Variants in TCF4 observed in about 807,000 individuals in gnomAD.
TCF4 encodes the protein SL3-3 enhancer factor 2.
TCF4 carries 3 observed loss-of-function variants against 82.1 expected under a neutral mutation model. The ratio of observed to expected loss-of-function variants is 0.04; its 90% CI spans 0.02 to 0.09. The LOEUF is 0.09. Among genes scored for constraint, TCF4 ranks in the 10% least tolerant of loss-of-function variants. The probability of loss-of-function intolerance (pLI) is 1.00; values close to 1 mark genes in which losing one functional copy is unlikely to be tolerated. For synonymous variants in TCF4, 276 were observed against 309.6 expected (o/e 0.89, Z 1.14); for missense variants, 518 against 852.7 (o/e 0.61, Z 4.89).
chr18:55,519,433 CAAAAAAAGAAAAA>C (rs2096914449), intron 3 of TCF4, among the ~76,000 whole-genome samples: 1 of 116,846 alleles, frequency 8.6e-6, no homozygotes, highest in East Asian at 2.6e-4. Flanking sequence ...GACCCCGTCT[CAAAAAAAGAAAAA>C]AAAAAAAAAA....
intron 6 of TCF4, among the ~76,000 whole-genome samples, chr18:55,399,176 C>T (rs1325673341): frequency 1.3e-5 from 2 of 152,082 alleles, no homozygotes; most frequent in African/African-American, 2.4e-5. Context: ...ATTTGTAATA[C>T]CTATTGAATC....
chr18:55,443,735 C>T (rs2095479995), intron 5 of TCF4, among the ~76,000 whole-genome samples: 1 of 152,136 alleles, frequency 6.6e-6, no homozygotes, highest in South Asian at 2.1e-4. Flanking sequence ...AACTTTCTCT[C>T]CAGAAAGAGA....
chr18:55,475,204 T>C (rs1446629158), intron 3 of TCF4, among the ~76,000 whole-genome samples: 2 of 152,332 alleles, frequency 1.3e-5, no homozygotes, highest in Admixed American at 1.3e-4. Flanking sequence ...CTTTTATCCA[T>C]TTGAATCAGA....
At chr18:55,635,603 C>A (rs1274615795) in intron 1 of TCF4, 4 of 1,422,328 alleles carry the variant, frequency 2.8e-6, no homozygotes, top group Non-Finnish European at 3.7e-6. Flanking sequence ...GGTTAGAGAG[C>A]TAGAAACTAC....
At chr18:55,626,046 T>C (rs2097726275) in intron 2 of TCF4, among the ~76,000 whole-genome samples, 1 of 152,232 alleles carries the variant, frequency 6.6e-6, no homozygotes, top group Non-Finnish European at 1.5e-5. Context: ...TATTTCTATT[T>C]GATTTCAATT....
intron 3 of TCF4, among the ~76,000 whole-genome samples, chr18:55,501,818 CT>C: frequency 6.6e-6 from 1 of 152,106 alleles, no homozygotes; most frequent in Non-Finnish European, 1.5e-5. Context: ...GGCAAAGAGA[CT>C]GATTTCAGCT....
chr18:55,523,422 T>C (rs560852039), intron 3 of TCF4, among the ~76,000 whole-genome samples: 25 of 152,038 alleles, frequency 1.6e-4, no homozygotes, highest in Admixed American at 3.3e-4. Flanking sequence ...GTCTTATCAG[T>C]TTTTTAAAAA....
chr18:55,330,590 G>A lies in TCF4; in HGVS notation c.549+19769C>T, dbSNP rs376447594. Among the ~76,000 whole-genome samples, 6 of 150,990 alleles carry A rather than the reference G, an allele frequency of 4.0e-5. No individual in the cohort carries two copies. In the South Asian group the frequency reaches 1.0e-3, roughly 26 times the overall value. Reference sequence around the variant, plus strand: ...ACTACATTTTCTTTTTTTTTGAGACGGAGTCTCGCTCTGTCACCAGGCTGG... The same window carrying A: ...ACTACATTTTCTTTTTTTTTGAGACAGAGTCTCGCTCTGTCACCAGGCTGG... On this transcript the variant is annotated intron_variant, in intron 8 of 19. Transcript: ENST00000354452.
At chr18:55,415,039 TC>T (rs2094478455) in intron 5 of TCF4, among the ~76,000 whole-genome samples, 1 of 152,186 alleles carries the variant, frequency 6.6e-6, no homozygotes, top group South Asian at 2.1e-4. Flanking sequence ...TAATCATATT[TC>T]AAAATTTCAA....
intron 1 of TCF4, among the ~76,000 whole-genome samples, chr18:55,632,253 C>T (rs371567172): frequency 8.5e-5 from 13 of 152,166 alleles, no homozygotes; most frequent in Admixed American, 7.9e-4. Context: ...TTAGCCAGGA[C>T]GGTCTCCATC....
chr18:55,429,129 CA>C (rs1307923577), intron 5 of TCF4, among the ~76,000 whole-genome samples: 1 of 152,146 alleles, frequency 6.6e-6, no homozygotes, highest in Non-Finnish European at 1.5e-5. Context: ...AAAGAACCAT[CA>C]AAGGCCCACA....
In TCF4 at chr18:55,365,233, G is replaced by A. The variant is rs542612573; in HGVS notation, c.370-14230C>T. Among the ~76,000 whole-genome samples the A allele has an allele frequency of 2.7e-3, 355 of 130,794 alleles. 11 individuals carry two copies. The South Asian group carries it at 0.068, about 25-fold the overall frequency. 85.8% of individuals were successfully genotyped at this position (130,794 alleles called of 152,430 possible). A position where few individuals can be genotyped will look rare whatever the true frequency, so the allele number is the denominator to read the frequency against. On this transcript the variant is annotated intron_variant, in intron 6 of 19. Transcript: ENST00000354452. The stretch of plus-strand genomic sequence containing the variant: ...TGTATATATATGTGTGTGTGTGTGT[G>A]TATATATATGTGTGTGTATATATAT...
intron 15 of TCF4, among the ~76,000 whole-genome samples, chr18:55,242,929 T>C (rs889739635): frequency 3.2e-4 from 49 of 152,256 alleles, no homozygotes; most frequent in African/African-American, 1.1e-3. Context: ...ATTTTAATGA[T>C]GGGATAATAT....
rs1056852476 is a variant in TCF4 at position 55,297,862 on chromosome 18, TC to T, written c.550-18207del. Among the ~76,000 whole-genome samples, 37 of 152,254 alleles carry T rather than the reference TC, an allele frequency of 2.4e-4. No individual in the cohort carries two copies. The East Asian group carries it at 7.0e-3, about 29-fold the overall frequency. On this transcript the variant is annotated intron_variant, in intron 8 of 19. Transcript: ENST00000354452. ...ATTGAAACTTTTGGCAAAAGTGGTATCCCTTTTTTAAAAAATAAGGTTTAAG... is the reference window on the plus strand; with the variant it reads ...ATTGAAACTTTTGGCAAAAGTGGTATCCTTTTTTAAAAAATAAGGTTTAAG...
chr18:55,555,521 A>G (rs1480365860), intron 3 of TCF4, among the ~76,000 whole-genome samples: 1 of 152,262 alleles, frequency 6.6e-6, no homozygotes, highest in Non-Finnish European at 1.5e-5. Flanking sequence ...TTGATCTGAT[A>G]GTACTGCTGG....
chr18:55,343,815 C>A (rs1346689762), intron 8 of TCF4, among the ~76,000 whole-genome samples: 2 of 152,096 alleles, frequency 1.3e-5, no homozygotes, highest in Admixed American at 6.6e-5. Context: ...ATAAAAGCTC[C>A]TATTCCTTTA....
At chr18:55,626,258 G>A (rs773212161) in intron 2 of TCF4, among the ~76,000 whole-genome samples, 5 of 152,072 alleles carry the variant, frequency 3.3e-5, no homozygotes, top group Admixed American at 6.5e-5. Flanking sequence ...CTGGGCAATC[G>A]GTTTTCCAAT....
intron 10 of TCF4, among the ~76,000 whole-genome samples, chr18:55,273,716 T>C (rs111580071): frequency 2.0e-5 from 3 of 152,290 alleles, no homozygotes; most frequent in Admixed American, 6.5e-5. Context: ...TGTTTCGTGA[T>C]AGGTAAATGG....
intron 6 of TCF4, among the ~76,000 whole-genome samples, chr18:55,353,167 AG>A (rs2082667294): frequency 6.6e-6 from 1 of 152,206 alleles, no homozygotes; most frequent in Non-Finnish European, 1.5e-5. Flanking sequence ...AATGCATTCA[AG>A]GGGTCAACCT....
Sources: gnomAD v4.1 joint callset for allele counts (sites outside exome capture counted in the v4.1 genomes callset) on GRCh38, gnomAD v4.1.1 for gene constraint, MANE v1.5 for transcripts, NCBI Gene and HGNC (gene_info 2026-07-23, HGNC 2026-07-21) for gene names.